KLF12: variants seen among roughly 807,000 people sequenced by gnomAD.
The protein encoded by KLF12 is KLF transcription factor 12, also known as Krueppel-like factor 12.
Under a neutral mutation model 37.8 loss-of-function variants are expected in KLF12, and 9 were observed. The observed-to-expected ratio is 0.24, with a 90% CI of 0.14 to 0.42. The LOEUF is 0.42. Among genes scored for constraint, KLF12 ranks in the 10% least tolerant of loss-of-function variants. The pLI is 1.00. For synonymous variants in KLF12, 208 were observed against 202.1 expected (o/e 1.03, Z -0.25); for missense variants, 411 against 516.0 (o/e 0.80, Z 1.97).
chr13:73,749,626 C>A (rs1878610738), intron 6 of KLF12, among the ~76,000 whole-genome samples: 1 of 152,050 alleles, frequency 6.6e-6, no homozygotes, highest in Non-Finnish European at 1.5e-5. Context: ...GCAGAGCAAG[C>A]AAAGAGACAG....
At chr13:74,065,956 T>TA (rs1357279947) in intron 1 of KLF12, among the ~76,000 whole-genome samples, 4 of 152,098 alleles carry the variant, frequency 2.6e-5, no homozygotes, top group Non-Finnish European at 5.9e-5. Flanking sequence ...AACTAGCTGA[T>TA]ACAGTAATTC....
intron 3 of KLF12, among the ~76,000 whole-genome samples, chr13:73,932,531 C>T (rs527344143): frequency 5.0e-4 from 76 of 152,202 alleles, no homozygotes; most frequent in African/African-American, 1.7e-3. Flanking sequence ...ATTGGTTTCT[C>T]AAAACACTAG....
chr13:74,037,369 G>C (rs1490549250), intron 1 of KLF12, among the ~76,000 whole-genome samples: 2 of 152,126 alleles, frequency 1.3e-5, no homozygotes, highest in South Asian at 2.1e-4. Flanking sequence ...ATGTCGGAAG[G>C]GACGGATTCC....
chr13:74,098,189 A>T (rs1473811853), intron 1 of KLF12, among the ~76,000 whole-genome samples: 2 of 152,204 alleles, frequency 1.3e-5, no homozygotes, highest in Non-Finnish European at 2.9e-5. Flanking sequence ...TGTTTATCAT[A>T]CACAGCTGAT....
the KLF12 span, among the ~76,000 whole-genome samples, chr13:74,287,395 A>AGAGAGAGAGAGAGAGAGAGAGAGAGAGAG: frequency 2.4e-4 from 35 of 147,228 alleles, no homozygotes; most frequent in South Asian, 4.3e-4. Flanking sequence ...AGAGAGAGAG[A>AGAGAGAGAGAGAGAGAGAGAGAGAGAGAG]ATCCACCTCT....
chr13:74,017,571 C>T (rs1233408732), intron 1 of KLF12, among the ~76,000 whole-genome samples: 1 of 144,526 alleles, frequency 6.9e-6, no homozygotes, highest in Non-Finnish European at 1.5e-5. Flanking sequence ...CCCCCACCCC[C>T]CAAAAAAAAA....
At chr13:73,910,266 A>C (rs1429538299) in intron 3 of KLF12, among the ~76,000 whole-genome samples, 1 of 152,204 alleles carries the variant, frequency 6.6e-6, no homozygotes, top group African/African-American at 2.4e-5. Context: ...AGTGTTTGAA[A>C]GTCACATCTT....
intron 1 of KLF12, among the ~76,000 whole-genome samples, chr13:74,089,596 C>T (rs1875527328): frequency 6.6e-6 from 1 of 151,722 alleles, no homozygotes; most frequent in Non-Finnish European, 1.5e-5. Flanking sequence ...AAATTATATA[C>T]CATGGCCAAC....
chr13:74,077,867 A>G (rs1436178742), intron 1 of KLF12, among the ~76,000 whole-genome samples: 1 of 152,078 alleles, frequency 6.6e-6, no homozygotes, highest in Non-Finnish European at 1.5e-5. Context: ...TTTCTTGTCT[A>G]TGTATTTTCT....
chr13:73,779,921 G>A (rs1594082318), intron 5 of KLF12, among the ~76,000 whole-genome samples: 2 of 152,158 alleles, frequency 1.3e-5, no homozygotes, highest in South Asian at 4.1e-4. Flanking sequence ...TTCTGAGAAG[G>A]ATTCACCATT....
At chr13:73,880,977 T>A (rs1886953410) in intron 3 of KLF12, among the ~76,000 whole-genome samples, 1 of 152,214 alleles carries the variant, frequency 6.6e-6, no homozygotes, top group African/African-American at 2.4e-5. Context: ...GTCTGATATC[T>A]GAAAGTGTTA....
At chr13:73,942,332 T>A (rs932020835) in intron 3 of KLF12, among the ~76,000 whole-genome samples, 1 of 152,166 alleles carries the variant, frequency 6.6e-6, no homozygotes, top group African/African-American at 2.4e-5. Context: ...GACTGCTTTT[T>A]CACTTTTTTT....
the KLF12 span, among the ~76,000 whole-genome samples, chr13:74,292,211 A>G: frequency 4.6e-5 from 7 of 152,230 alleles, 1 homozygote; most frequent in Admixed American, 4.6e-4. Flanking sequence ...CTCTAGTAAC[A>G]GCATGGTGTT....
At chr13:73,875,306 T>C (rs1886653529) in intron 3 of KLF12, among the ~76,000 whole-genome samples, 1 of 152,178 alleles carries the variant, frequency 6.6e-6, no homozygotes, top group East Asian at 1.9e-4. Flanking sequence ...GACAGCTTCC[T>C]GCAAATTTAT....
At chr13:73,745,557 T>G (rs1279380437) in intron 6 of KLF12, among the ~76,000 whole-genome samples, 2 of 152,224 alleles carry the variant, frequency 1.3e-5, no homozygotes, top group Admixed American at 1.3e-4. Flanking sequence ...ATTTATATTT[T>G]GTAAAAGTAT....
At chr13:74,090,012 T>A (rs1813253802) in intron 1 of KLF12, among the ~76,000 whole-genome samples, 1 of 152,048 alleles carries the variant, frequency 6.6e-6, no homozygotes, top group African/African-American at 2.4e-5. Context: ...ACTCTATTTG[T>A]AGATGTCTTG....
At chr13:73,775,694 T>C (rs1331046059) in intron 5 of KLF12, among the ~76,000 whole-genome samples, 2 of 152,222 alleles carry the variant, frequency 1.3e-5, no homozygotes, top group African/African-American at 2.4e-5. Context: ...AGTTATGCTA[T>C]TAGTCCCACT....
chr13:73,696,697 A>G (rs1874176453), intron 7 of KLF12, among the ~76,000 whole-genome samples: 1 of 152,202 alleles, frequency 6.6e-6, no homozygotes, highest in Non-Finnish European at 1.5e-5. Flanking sequence ...GCACAAAGCT[A>G]CAAAGGGGGT....
At chr13:74,158,371 G>C in the KLF12 span, among the ~76,000 whole-genome samples, 1 of 152,186 alleles carries the variant, frequency 6.6e-6, no homozygotes, top group African/African-American at 2.4e-5. Flanking sequence ...GCCAGGATTG[G>C]GGAAGCCAGA....
Sources: allele counts gnomAD v4.1 joint callset (sites outside exome capture counted in the v4.1 genomes callset), GRCh38; gene constraint gnomAD v4.1.1; transcripts MANE v1.5; gene names NCBI Gene and HGNC (gene_info 2026-07-23, HGNC 2026-07-21).